The following NDST1 variants were observed in gnomAD, a reference collection of about 807,000 sequenced individuals.
NDST1 encodes bifunctional heparan sulfate N-deacetylase/N-sulfotransferase 1.
A neutral mutation model predicts 92.8 loss-of-function variants in NDST1; 35 were observed. The observed-to-expected ratio is 0.38, with a 90% CI of 0.29 to 0.50. NDST1 has a LOEUF of 0.50. Ranked by LOEUF, NDST1 falls within the 20% of genes least tolerant of loss-of-function variation. NDST1 has a pLI of 0.94. For synonymous variants in NDST1, 493 were observed against 500.3 expected (o/e 0.99, Z 0.19); for missense variants, 822 against 1,182.7 (o/e 0.69, Z 4.47).
At chr5:150,544,197 A>G (rs1421924653) in intron 10 of NDST1, among the ~76,000 whole-genome samples, 2 of 152,220 alleles carry the variant, frequency 1.3e-5, no homozygotes, top group Non-Finnish European at 2.9e-5. Context: ...GAAACCATAT[A>G]TTTAGTAACA....
chr5:150,537,349 T>G (rs1755038207), intron 6 of NDST1, among the ~76,000 whole-genome samples: 1 of 152,154 alleles, frequency 6.6e-6, no homozygotes, highest in South Asian at 2.1e-4. Flanking sequence ...CAAAAGCAAA[T>G]AGGAGAAATA....
intron 1 of NDST1, among the ~76,000 whole-genome samples, chr5:150,502,362 T>C (rs1450871960): frequency 6.6e-6 from 1 of 151,986 alleles, no homozygotes; most frequent in African/African-American, 2.4e-5. Context: ...GGTGTGAGAA[T>C]AGAGTGTTGA....
intron 2 of NDST1, 118 bp from the exon 3 acceptor site, chr5:150,527,686 C>T: frequency 6.8e-7 from 1 of 1,475,448 alleles, no homozygotes. Flanking sequence ...GTGGTGAGCC[C>T]TCCATGAATG....
At chr5:150,523,566 G>A (rs1213192212) in intron 2 of NDST1, among the ~76,000 whole-genome samples, 1 of 152,210 alleles carries the variant, frequency 6.6e-6, no homozygotes, top group East Asian at 1.9e-4. Context: ...TTGAACTCAA[G>A]CAGTCCGGCC....
intron 6 of NDST1, among the ~76,000 whole-genome samples, chr5:150,537,498 A>G (rs1306713371): frequency 6.6e-6 from 1 of 152,222 alleles, no homozygotes; most frequent in East Asian, 1.9e-4. Context: ...CCGGTCTCCC[A>G]TAGCGCTCCC....
chr5:150,530,236 G>C (rs538347910), intron 3 of NDST1, among the ~76,000 whole-genome samples: 1 of 152,202 alleles, frequency 6.6e-6, no homozygotes. Context: ...CTGCTTTTAC[G>C]CATTGTGTTT....
chr5:150,540,230 A>C lies in NDST1; in HGVS notation c.1715A>C (p.Gln572Pro). 6.2e-7 allele frequency: 1 copy of C among 1,612,796 alleles called. No individual in the cohort carries two copies. Among genetic ancestry groups the C allele is most frequent in the Non-Finnish European group, 8.5e-7 (1 of 1,178,960 alleles). Residue 572 changes from glutamine (Q) to proline (P), a missense_variant, in exon 8 of 15, where the codon CAG becomes CCG. Coordinates refer to ENST00000261797, the MANE Select transcript of NDST1 (RefSeq NM_001543.5). The part of the protein sequence containing the change: ...PPVQLAQKYF[Q>P]IFSEEKDPLW... ...GTGCAGTTGGCGCAGAAGTACTTCC[A>C]GATCTTCTCCGAGGAGAAGGACCCG...
intron 1 of NDST1, among the ~76,000 whole-genome samples, chr5:150,510,057 G>T (rs1023392329): frequency 1.3e-5 from 2 of 151,316 alleles, no homozygotes; most frequent in African/African-American, 2.4e-5. Flanking sequence ...ACGAACAGGG[G>T]CTGTGGGGTG....
chr5:150,540,192 G>GAC lies in NDST1; in HGVS notation c.1680_1681dup (p.Leu561HisfsTer71). 6.2e-7 allele frequency: 1 copy of GAC among 1,614,220 alleles called. No homozygotes were observed. Among genetic ancestry groups the GAC allele is most frequent in the Non-Finnish European group, 8.5e-7 (1 of 1,180,024 alleles). On this transcript the variant is annotated frameshift_variant, in exon 8 of 15. Coordinates refer to ENST00000261797, the MANE Select transcript of NDST1 (RefSeq NM_001543.5). LOFTEE classifies it high-confidence loss of function. Reference sequence around the variant, plus strand: ...ACTCCTGGACGAACCTCCGGCTGCAGACACTGCCCCCTGTGCAGTTGGCGC... The same window carrying GAC: ...ACTCCTGGACGAACCTCCGGCTGCAGACACACTGCCCCCTGTGCAGTTGGCGC...
intron 4 of NDST1, 119 bp from the exon 5 acceptor site, chr5:150,534,748 A>G (rs1232266932): frequency 1.6e-6 from 2 of 1,219,416 alleles, no homozygotes; most frequent in African/African-American, 1.5e-5. Flanking sequence ...TAGCCCAGAT[A>G]ACTCTTCCAG....
At chr5:150,533,996 T>C (rs1226910609) in intron 4 of NDST1, among the ~76,000 whole-genome samples, 1 of 151,394 alleles carries the variant, frequency 6.6e-6, no homozygotes, top group African/African-American at 2.4e-5. Flanking sequence ...GTCAGGAGGA[T>C]TGCTTGATCC....
At chr5:150,509,108 GT>G (rs1753598218) in intron 1 of NDST1, among the ~76,000 whole-genome samples, 1 of 152,144 alleles carries the variant, frequency 6.6e-6, no homozygotes, top group South Asian at 2.1e-4. Flanking sequence ...CTGGGAGGCT[GT>G]TGTGGTTTCC....
chr5:150,498,536 G>T (rs57049637), intron 1 of NDST1, among the ~76,000 whole-genome samples: 3,355 of 152,268 alleles, frequency 0.022, 120 homozygotes, highest in African/African-American at 0.076. Flanking sequence ...GGGCAGGGGA[G>T]GTAGGGGAAA....
At chr5:150,535,487 G>T (rs1326886238) in intron 5 of NDST1, 1 of 816,102 alleles carries the variant, frequency 1.2e-6, no homozygotes, top group African/African-American at 1.9e-5. Flanking sequence ...GGAGACCTGG[G>T]TTCTAATCCC....
chr5:150,499,256 C>T (rs1337093422), intron 1 of NDST1, among the ~76,000 whole-genome samples: 1 of 152,224 alleles, frequency 6.6e-6, no homozygotes, highest in East Asian at 1.9e-4. Flanking sequence ...AGACTTCTGG[C>T]TTTATTTCAA....
chr5:150,528,275 C>T lies in NDST1; in HGVS notation c.985C>T (p.Arg329Cys), dbSNP rs1368083956. ...CATCTTCGTGGGCAAGGAGGGCACA[C>T]GCATGAAGGTGGAGGACGTGAAGGT... ...DDIFVGKEGTRMKVEDVKALF... is the reference protein window; with the variant it reads ...DDIFVGKEGTCMKVEDVKALF... Residue 329 changes from arginine (R) to cysteine (C), a missense_variant, in exon 3 of 15, where the codon CGC becomes TGC. Coordinates refer to ENST00000261797, the MANE Select transcript of NDST1 (RefSeq NM_001543.5). 4 of 1,603,118 alleles carry T rather than the reference C, an allele frequency of 2.5e-6. No homozygotes were observed. Among genetic ancestry groups the T allele is most frequent in the Non-Finnish European group, 3.4e-6 (4 of 1,171,458 alleles).
At chr5:150,529,879 G>A (rs75030397) in intron 3 of NDST1, among the ~76,000 whole-genome samples, 3,572 of 152,322 alleles carry the variant, frequency 0.023, 142 homozygotes, top group East Asian at 0.15. Flanking sequence ...GGCATTCATC[G>A]CCCTGCCTTG....
At chr5:150,527,175 G>A (rs368095344) in intron 2 of NDST1, among the ~76,000 whole-genome samples, 5 of 152,220 alleles carry the variant, frequency 3.3e-5, no homozygotes, top group Admixed American at 2.0e-4. Context: ...TCTTGGCAGC[G>A]ATTCATAGCT....
At chr5:150,549,100 C>T (rs1169433317) in intron 12 of NDST1, among the ~76,000 whole-genome samples, 1 of 152,222 alleles carries the variant, frequency 6.6e-6, no homozygotes, top group East Asian at 1.9e-4. Flanking sequence ...CAACCTCTGC[C>T]TCCCGGGTTC....
Sources: allele counts gnomAD v4.1 joint callset (sites outside exome capture counted in the v4.1 genomes callset), GRCh38; gene constraint gnomAD v4.1.1; transcripts MANE v1.5; gene names NCBI Gene and HGNC (gene_info 2026-07-23, HGNC 2026-07-21).